The following MAGI3 variants were observed in gnomAD, a reference collection of about 807,000 sequenced individuals.
MAGI3 encodes membrane-associated guanylate kinase, WW and PDZ domain-containing protein 3.
Under a neutral mutation model 121.8 loss-of-function variants are expected in MAGI3, and 43 were observed. The observed-to-expected ratio is 0.35, with a 90% CI of 0.28 to 0.46. The LOEUF (loss-of-function observed/expected upper bound fraction) is 0.46, where lower values mean the gene tolerates loss of function less well. Ranked by LOEUF, MAGI3 falls within the 20% of genes least tolerant of loss-of-function variation. MAGI3 has a pLI of 1.00. For missense variants in MAGI3, 1,547 were observed against 1,797.3 expected, an observed-to-expected ratio of 0.86 and a Z score of 2.52; for synonymous variants, 553 against 639.3, an observed-to-expected ratio of 0.86 and a Z score of 2.04.
chr1:113,554,818 A>G (rs1283016134), intron 2 of MAGI3, among the ~76,000 whole-genome samples: 1 of 152,084 alleles, frequency 6.6e-6, no homozygotes, highest in Non-Finnish European at 1.5e-5. Flanking sequence ...TTAGATTATA[A>G]AAAACCATTG....
intron 7 of MAGI3, among the ~76,000 whole-genome samples, chr1:113,615,039 T>C (rs1389503150): frequency 6.6e-6 from 1 of 152,168 alleles, no homozygotes; most frequent in Non-Finnish European, 1.5e-5. Context: ...GGAAGATCTT[T>C]AGGGCATTAT....
intron 9 of MAGI3, among the ~76,000 whole-genome samples, chr1:113,641,080 TGAGA>T (rs1643832205): frequency 1.0e-5 from 1 of 96,240 alleles, no homozygotes; most frequent in African/African-American, 3.6e-5. Flanking sequence ...ATAATATATA[TGAGA>T]TATATATTAT....
At chr1:113,641,273 G>A (rs1484673404) in intron 9 of MAGI3, among the ~76,000 whole-genome samples, 1 of 149,358 alleles carries the variant, frequency 6.7e-6, no homozygotes, top group Non-Finnish European at 1.5e-5. Flanking sequence ...GTAATCACCT[G>A]GAGAATGGTG....
chr1:113,465,117 T>C (rs1244808020), intron 1 of MAGI3, among the ~76,000 whole-genome samples: 2 of 152,172 alleles, frequency 1.3e-5, no homozygotes, highest in Non-Finnish European at 2.9e-5. Context: ...TCTAGTAGTT[T>C]TTCTTCAGTT....
intron 15 of MAGI3, 58 bp downstream of exon 15, chr1:113,654,076 ACTGGAGTTTAT>A: frequency 7.2e-7 from 1 of 1,379,882 alleles, no homozygotes; most frequent in South Asian, 1.4e-5. Flanking sequence ...TGAGGCTCCC[ACTGGAGTTTAT>A]GAAATAATTA....
intron 3 of MAGI3, among the ~76,000 whole-genome samples, chr1:113,583,266 G>C (rs1337577446): frequency 6.6e-6 from 1 of 151,398 alleles, no homozygotes; most frequent in Non-Finnish European, 1.5e-5. Context: ...ATTTACATTA[G>C]GTATATCTCC....
At chr1:113,453,345 A>G (rs775803311) in intron 1 of MAGI3, among the ~76,000 whole-genome samples, 2 of 152,188 alleles carry the variant, frequency 1.3e-5, no homozygotes, top group Non-Finnish European at 2.9e-5. Flanking sequence ...GAGCTTAGCA[A>G]ACTGAGTATG....
At position 113,491,714 on chromosome 1, in the gene MAGI3, T is replaced by C. The variant is rs528108886; in HGVS notation, c.317-57801T>C. The stretch of plus-strand genomic sequence containing the variant: ...ACCAGTGACCCCATGAAAATATAAA[T>C]AACCATCAGAGAATATTATGAACAC... On this transcript the variant is annotated intron_variant, in intron 1 of 20. Transcript: ENST00000307546. Among the ~76,000 whole-genome samples, 8 of 152,038 alleles carry C rather than the reference T, an allele frequency of 5.3e-5. No individual in the cohort carries two copies. The South Asian group carries it at 1.7e-3, about 32-fold the overall frequency.
chr1:113,610,737 A>G (rs1650074411), intron 6 of MAGI3, among the ~76,000 whole-genome samples: 2 of 152,080 alleles, frequency 1.3e-5, no homozygotes, highest in African/African-American at 4.8e-5. Flanking sequence ...GGAGACCAAG[A>G]CCATCCTGGC....
At chr1:113,511,505 C>T (rs1055138058) in intron 1 of MAGI3, among the ~76,000 whole-genome samples, 2 of 152,190 alleles carry the variant, frequency 1.3e-5, no homozygotes, top group African/African-American at 4.8e-5. Flanking sequence ...CTGGTGTGGT[C>T]ACAAGAGCAC....
chr1:113,469,614 G>A (rs1215034151), intron 1 of MAGI3, among the ~76,000 whole-genome samples: 4 of 151,832 alleles, frequency 2.6e-5, no homozygotes, highest in Non-Finnish European at 1.5e-5. Flanking sequence ...CACTGGTAGT[G>A]TATGAGTGAA....
chr1:113,615,427 C>T lies in MAGI3; in HGVS notation c.1076+769C>T, dbSNP rs528221465. Among the ~76,000 whole-genome samples, 5 of 152,184 alleles carry T rather than the reference C, an allele frequency of 3.3e-5. No homozygotes were observed. In the East Asian group the frequency reaches 9.7e-4, roughly 29 times the overall value. On this transcript the variant is annotated intron_variant, in intron 7 of 20. Coordinates refer to ENST00000307546, the MANE Select transcript of MAGI3 (RefSeq NM_001142782.2). ...GGAGACTAGGAGTTAAACCTGCTGC[C>T]TAGGTAGCAAAGACAAAATGTTATT...
At position 113,684,182 on chromosome 1, in the gene MAGI3, C is replaced by T; in HGVS notation, c.*168C>T. 1 of 713,016 alleles carries T rather than the reference C, an allele frequency of 1.4e-6. No homozygotes were observed. The highest frequency in any genetic ancestry group is 2.1e-6 in the Non-Finnish European group (1 of 477,268). The allele number at this position is 713,016 out of a possible 1,614,324, so 44.2% of individuals were successfully genotyped here. A position where few individuals can be genotyped will look rare whatever the true frequency, so the allele number is the denominator to read the frequency against. On this transcript the variant is annotated 3_prime_UTR_variant, in exon 21 of 21. Transcript: ENST00000307546. Reference sequence around the variant, plus strand: ...GAAGGGCCTTTAGGATTGCTAAGAACCAACTGTCCCCCTGGCCGGCTGCCC... The same window carrying T: ...GAAGGGCCTTTAGGATTGCTAAGAATCAACTGTCCCCCTGGCCGGCTGCCC...
At chr1:113,644,437 C>T (rs887383827) in intron 11 of MAGI3, among the ~76,000 whole-genome samples, 9 of 152,170 alleles carry the variant, frequency 5.9e-5, no homozygotes, top group Non-Finnish European at 8.8e-5. Context: ...CACGCCACCA[C>T]ACCCAGCTAA....
In MAGI3 at chr1:113,557,029, T is replaced by C. The variant is rs544419226; in HGVS notation, c.433+7398T>C. Among the ~76,000 whole-genome samples, 12 of 152,308 alleles carry C rather than the reference T, an allele frequency of 7.9e-5. No individual in the cohort carries two copies. The East Asian group carries it at 2.1e-3, about 27-fold the overall frequency. ...AGAAATTGAATTTTAGTTTTTAACTTTCCTATAAAGAAAACTTTAGCAGAG... is the reference window on the plus strand; with the variant it reads ...AGAAATTGAATTTTAGTTTTTAACTCTCCTATAAAGAAAACTTTAGCAGAG... On this transcript the variant is annotated intron_variant, in intron 2 of 20. Transcript: ENST00000307546.
chr1:113,496,394 G>T (rs1656919260), intron 1 of MAGI3, among the ~76,000 whole-genome samples: 1 of 152,096 alleles, frequency 6.6e-6, no homozygotes, highest in Non-Finnish European at 1.5e-5. Flanking sequence ...ATAGATGGAT[G>T]GTTAAATGCT....
chr1:113,444,341 C>T (rs1405165768), intron 1 of MAGI3, among the ~76,000 whole-genome samples: 9 of 152,140 alleles, frequency 5.9e-5, no homozygotes, highest in Non-Finnish European at 1.0e-4. Flanking sequence ...GTTGCAGTCC[C>T]CTCCCCCTTC....
intron 1 of MAGI3, among the ~76,000 whole-genome samples, chr1:113,514,699 A>C (rs549653946): frequency 1.3e-5 from 2 of 152,256 alleles, no homozygotes; most frequent in Non-Finnish European, 2.9e-5. Context: ...TGGGTGCAGC[A>C]CACCAGCATG....
At chr1:113,590,728 C>G (rs1473858178) in intron 5 of MAGI3, 70 bp downstream of exon 5, 2 of 1,425,624 alleles carry the variant, frequency 1.4e-6, no homozygotes, top group Non-Finnish European at 1.9e-6. Flanking sequence ...TTTTTTAAAC[C>G]TCATTTTAGA....
Sources: allele counts gnomAD v4.1 joint callset (sites outside exome capture counted in the v4.1 genomes callset), GRCh38; gene constraint gnomAD v4.1.1; transcripts MANE v1.5; gene names NCBI Gene and HGNC (gene_info 2026-07-23, HGNC 2026-07-21).